The following PCDH7 variants were observed in gnomAD, a reference collection of about 807,000 sequenced individuals.
PCDH7 encodes protocadherin-7.
In PCDH7, 17 loss-of-function variants were observed where a neutral mutation model predicts 58.9. The observed-to-expected ratio is 0.29, with a 90% CI of 0.20 to 0.43. The LOEUF (loss-of-function observed/expected upper bound fraction) is 0.43, where lower values mean the gene tolerates loss of function less well. Ranked by LOEUF, PCDH7 falls within the 20% of genes least tolerant of loss-of-function variation. PCDH7 has a pLI of 1.00. For synonymous variants in PCDH7, 664 were observed against 616.4 expected (o/e 1.08, Z -1.14); for missense variants, 1,274 against 1,441.0 (o/e 0.88, Z 1.88).
chr4:30,755,529 C>T (rs1196095190), intron 1 of PCDH7, among the ~76,000 whole-genome samples: 1 of 152,088 alleles, frequency 6.6e-6, no homozygotes, highest in African/African-American at 2.4e-5. Flanking sequence ...ACTTCTATAG[C>T]CACAAAGTAG....
intron 3 of PCDH7, among the ~76,000 whole-genome samples, chr4:31,088,646 A>G (rs899232193): frequency 4.6e-5 from 7 of 152,060 alleles, no homozygotes; most frequent in Non-Finnish European, 7.4e-5. Context: ...AATGAAGAGA[A>G]CATCTTATAT....
At position 30,731,146 on chromosome 4, in the gene PCDH7, A is replaced by T. The variant is rs1010970090; in HGVS notation, c.*358A>T. The stretch of plus-strand genomic sequence containing the variant: ...TGAGACTTTGTGTGAACAAAGGGAA[A>T]TTCAGCCTCTTATGTCTTTGTCTTT... On this transcript the variant is annotated 3_prime_UTR_variant, in exon 2 of 2. Transcript: ENST00000361762. 3 of 1,015,806 alleles carry T rather than the reference A, an allele frequency of 3.0e-6. No individual in the cohort carries two copies. In the African/African-American group the frequency reaches 5.1e-5, roughly 17 times the overall value. 62.9% of individuals were successfully genotyped at this position (1,015,806 alleles called of 1,614,324 possible). A position where few individuals can be genotyped will look rare whatever the true frequency, so the allele number is the denominator to read the frequency against.
chr4:30,831,341 A>G (rs1454696258), intron 1 of PCDH7, among the ~76,000 whole-genome samples: 2 of 152,164 alleles, frequency 1.3e-5, no homozygotes, highest in African/African-American at 4.8e-5. Flanking sequence ...GACTTGATTA[A>G]CTCAAAGAAT....
At position 30,843,571 on chromosome 4, in the gene PCDH7, A is replaced by G. The variant is rs192569003; in HGVS notation, c.71-76582A>G. ...AGCGATTACTTGCAAAGTCTGTCAC[A>G]TTTTCTGATTTCTGTCTTTACTTTG... On this transcript the variant is annotated intron_variant, in intron 1 of 3. Transcript: ENST00000509759. Among the ~76,000 whole-genome samples the G allele has an allele frequency of 1.9e-4, 29 of 152,284 alleles. 1 individual carries two copies. The highest frequency in any genetic ancestry group is 3.3e-4 in the Admixed American group (5 of 15,292).
chr4:31,110,958 T>G (rs894333956), intron 3 of PCDH7, among the ~76,000 whole-genome samples: 2 of 151,568 alleles, frequency 1.3e-5, no homozygotes, highest in African/African-American at 4.8e-5. Flanking sequence ...ACTTAGATCA[T>G]GTAAAAGTCA....
At chr4:30,809,366 C>T (rs1037907737) in intron 1 of PCDH7, among the ~76,000 whole-genome samples, 1 of 152,130 alleles carries the variant, frequency 6.6e-6, no homozygotes, top group African/African-American at 2.4e-5. Context: ...AGGGAAGTGA[C>T]ATTCCTGACC....
At chr4:31,036,852 C>A (rs1382876229) in intron 3 of PCDH7, among the ~76,000 whole-genome samples, 7 of 152,058 alleles carry the variant, frequency 4.6e-5, no homozygotes, top group Admixed American at 4.6e-4. Flanking sequence ...GGAGGCCTCA[C>A]AATTATGGTG....
chr4:30,745,682 A>G (rs770093261), intron 1 of PCDH7, among the ~76,000 whole-genome samples: 1 of 151,858 alleles, frequency 6.6e-6, no homozygotes, highest in Non-Finnish European at 1.5e-5. Flanking sequence ...GTAACTAACA[A>G]CAGATCCCTG....
intron 3 of PCDH7, among the ~76,000 whole-genome samples, chr4:30,967,195 A>T (rs1047417015): frequency 1.3e-5 from 2 of 150,494 alleles, no homozygotes; most frequent in African/African-American, 4.9e-5. Context: ...AAAAGCAATG[A>T]TTGACATTGC....
chr4:31,035,426 G>T (rs138248216), intron 3 of PCDH7, among the ~76,000 whole-genome samples: 13,761 of 151,872 alleles, frequency 0.091, 726 homozygotes, highest in South Asian at 0.18. Context: ...GCTAATTTTT[G>T]TATTTTTAGT....
intron 1 of PCDH7, among the ~76,000 whole-genome samples, chr4:30,745,674 A>C (rs1717684651): frequency 6.6e-6 from 1 of 151,992 alleles, no homozygotes; most frequent in African/African-American, 2.4e-5. Context: ...TTAAAGCTGT[A>C]ACTAACAACA....
intron 1 of PCDH7, among the ~76,000 whole-genome samples, chr4:30,767,657 A>C (rs1720924431): frequency 6.6e-6 from 1 of 152,220 alleles, no homozygotes; most frequent in Non-Finnish European, 1.5e-5. Flanking sequence ...CTCTGCCAAC[A>C]GTCAGGAAAC....
intron 3 of PCDH7, among the ~76,000 whole-genome samples, chr4:31,111,328 G>A (rs1413435272): frequency 1.4e-5 from 2 of 147,416 alleles, no homozygotes; most frequent in Non-Finnish European, 3.0e-5. Context: ...TTTTTCCTGA[G>A]GCGGAGTCTC....
At chr4:30,858,173 C>T (rs1391575621) in intron 1 of PCDH7, among the ~76,000 whole-genome samples, 9 of 152,128 alleles carry the variant, frequency 5.9e-5, no homozygotes, top group Admixed American at 5.9e-4. Flanking sequence ...TCTATCAAAG[C>T]TAATACAGAC....
At chr4:30,973,782 T>C (rs1414156997) in intron 3 of PCDH7, among the ~76,000 whole-genome samples, 1 of 152,078 alleles carries the variant, frequency 6.6e-6, no homozygotes, top group African/African-American at 2.4e-5. Flanking sequence ...TATTAGTTTC[T>C]ATTGTAATCT....
intron 3 of PCDH7, among the ~76,000 whole-genome samples, chr4:30,969,178 C>T (rs952578467): frequency 1.3e-5 from 2 of 152,132 alleles, no homozygotes; most frequent in African/African-American, 4.8e-5. Flanking sequence ...AACGTCCATC[C>T]TGAATGTTCC....
At chr4:31,013,671 T>C (rs147971715) in intron 3 of PCDH7, among the ~76,000 whole-genome samples, 1 of 151,950 alleles carries the variant, frequency 6.6e-6, no homozygotes, top group Non-Finnish European at 1.5e-5. Context: ...TGAATGTGCA[T>C]AAAGAGCTAT....
chr4:31,029,351 C>G (rs989044278), intron 3 of PCDH7, among the ~76,000 whole-genome samples: 26 of 152,134 alleles, frequency 1.7e-4, no homozygotes, highest in African/African-American at 6.3e-4. Context: ...TCTCAAACAT[C>G]AAAACAGAGT....
chr4:30,940,366 C>A (rs1300175037), intron 2 of PCDH7, among the ~76,000 whole-genome samples: 3 of 151,896 alleles, frequency 2.0e-5, no homozygotes, highest in East Asian at 3.9e-4. Context: ...TTTTAGAATT[C>A]TTTTTATAAT....
Sources: allele counts gnomAD v4.1 joint callset (sites outside exome capture counted in the v4.1 genomes callset), GRCh38; gene constraint gnomAD v4.1.1; transcripts MANE v1.5; gene names NCBI Gene and HGNC (gene_info 2026-07-23, HGNC 2026-07-21).